PTPRT: variants seen among roughly 807,000 people sequenced by gnomAD.
PTPRT encodes protein tyrosine phosphatase receptor type T.
PTPRT carries 56 observed loss-of-function variants against 176.8 expected under a neutral mutation model. The observed-to-expected ratio is 0.32, with a 90% CI of 0.26 to 0.40. The LOEUF (loss-of-function observed/expected upper bound fraction) is 0.40, where lower values mean the gene tolerates loss of function less well. Among genes scored for constraint, PTPRT ranks in the 10% least tolerant of loss-of-function variants. The pLI is 1.00. For missense variants in PTPRT, 1,540 were observed against 1,908.2 expected (o/e 0.81, Z 3.60); for synonymous variants, 783 against 739.0 (o/e 1.06, Z -0.96).
intron 9 of PTPRT, among the ~76,000 whole-genome samples, chr20:42,385,477 C>T (rs1200679578): frequency 6.6e-6 from 1 of 152,122 alleles, no homozygotes; most frequent in Non-Finnish European, 1.5e-5. Context: ...ATTTGCTGTT[C>T]AACAGCTATA....
At chr20:42,121,051 C>T (rs1254168471) in intron 19 of PTPRT, among the ~76,000 whole-genome samples, 1 of 152,154 alleles carries the variant, frequency 6.6e-6, no homozygotes, top group Admixed American at 6.5e-5. Context: ...TGAACTGCCT[C>T]GAGGCCACTT....
chr20:42,889,200 GA>G (rs976032793), intron 1 of PTPRT, among the ~76,000 whole-genome samples: 12 of 152,138 alleles, frequency 7.9e-5, no homozygotes, highest in African/African-American at 2.7e-4. Flanking sequence ...GGCACTCACT[GA>G]ACCACCTTGC....
chr20:42,456,992 T>C (rs1162384851), intron 8 of PTPRT, among the ~76,000 whole-genome samples: 1 of 152,192 alleles, frequency 6.6e-6, no homozygotes, highest in East Asian at 1.9e-4. Context: ...TGTAAAACTA[T>C]ACAGAATTGC....
intron 5 of PTPRT, among the ~76,000 whole-genome samples, chr20:42,756,947 A>G (rs925509025): frequency 6.7e-6 from 1 of 149,276 alleles, no homozygotes; most frequent in Non-Finnish European, 1.5e-5. Context: ...GATACTCTGG[A>G]GGGTGAGGAA....
chr20:42,735,937 T>C (rs2076533271), intron 6 of PTPRT, among the ~76,000 whole-genome samples: 1 of 152,182 alleles, frequency 6.6e-6, no homozygotes, highest in Non-Finnish European at 1.5e-5. Context: ...TCTCTAAGTC[T>C]CTGATTCCTC....
At chr20:42,558,408 G>A (rs181229245) in intron 7 of PTPRT, among the ~76,000 whole-genome samples, 25 of 152,114 alleles carry the variant, frequency 1.6e-4, no homozygotes, top group African/African-American at 5.5e-4. Context: ...TTTTGCTATC[G>A]TGAATAGTGC....
intron 2 of PTPRT, among the ~76,000 whole-genome samples, chr20:42,802,371 G>A (rs2077543757): frequency 6.6e-6 from 1 of 152,232 alleles, no homozygotes; most frequent in Admixed American, 6.5e-5. Context: ...CTCAGGGGCA[G>A]GAGGTCTTGG....
chr20:42,670,690 C>A (rs536075389), intron 7 of PTPRT, among the ~76,000 whole-genome samples: 11 of 152,272 alleles, frequency 7.2e-5, no homozygotes, highest in Admixed American at 7.2e-4. Flanking sequence ...TGGGACTCCG[C>A]AAGACTACAA....
intron 4 of PTPRT, among the ~76,000 whole-genome samples, chr20:42,779,432 C>A (rs2077183101): frequency 6.6e-6 from 1 of 152,184 alleles, no homozygotes; most frequent in East Asian, 1.9e-4. Context: ...CACTAACAAA[C>A]TCATGGGGCT....
chr20:42,099,248 A>T (rs1197151329), intron 26 of PTPRT, among the ~76,000 whole-genome samples: 9 of 152,018 alleles, frequency 5.9e-5, no homozygotes, highest in South Asian at 2.1e-4. Flanking sequence ...GGTGCTAAAT[A>T]CTGGCAAGTT....
At chr20:42,115,388 G>A in intron 21 of PTPRT, 73 bp from the exon 22 acceptor site, 2 of 1,149,460 alleles carry the variant, frequency 1.7e-6, no homozygotes, top group Non-Finnish European at 2.6e-6. Context: ...CTGAGTGTGA[G>A]CAGCTGTCTC....
At chr20:43,109,622 A>G (rs1305976661) in intron 1 of PTPRT, among the ~76,000 whole-genome samples, 1 of 152,184 alleles carries the variant, frequency 6.6e-6, no homozygotes, top group African/African-American at 2.4e-5. Flanking sequence ...TTGAGTGAAC[A>G]TTCAAGTGGA....
At chr20:43,135,845 T>A (rs2013815950) in intron 1 of PTPRT, among the ~76,000 whole-genome samples, 1 of 152,224 alleles carries the variant, frequency 6.6e-6, no homozygotes. Flanking sequence ...CCTTGAGGCA[T>A]CTGAATTCCA....
chr20:42,301,737 T>TCTATA (rs1232743147), intron 12 of PTPRT, among the ~76,000 whole-genome samples: 3 of 152,094 alleles, frequency 2.0e-5, no homozygotes, highest in African/African-American at 2.4e-5. Flanking sequence ...AATTAGGGAA[T>TCTATA]CTGTATAGAG....
intron 7 of PTPRT, among the ~76,000 whole-genome samples, chr20:42,506,559 C>A (rs996970708): frequency 6.6e-6 from 1 of 152,066 alleles, no homozygotes; most frequent in African/African-American, 2.4e-5. Flanking sequence ...TATCTCTTAC[C>A]TTTTTCTCCA....
At chr20:42,513,229 TGTGTGTGTG>T (rs1184835148) in intron 7 of PTPRT, among the ~76,000 whole-genome samples, 5 of 151,928 alleles carry the variant, frequency 3.3e-5, no homozygotes, top group African/African-American at 1.2e-4. Context: ...TGTGTGTGTG[TGTGTGTGTG>T]TTTTCCAGGT....
chr20:42,183,938 T>A (rs6102714), intron 16 of PTPRT, among the ~76,000 whole-genome samples: 50,829 of 151,780 alleles, frequency 0.33, 8,907 homozygotes, highest in East Asian at 0.38. Context: ...GTCCTGTTGC[T>A]AGGAAGCCTA....
chr20:42,667,490 G>GT (rs2146026254), intron 7 of PTPRT, among the ~76,000 whole-genome samples: 1 of 152,318 alleles, frequency 6.6e-6, no homozygotes, highest in African/African-American at 2.4e-5. Flanking sequence ...TGACAGAGCT[G>GT]TAAGAGTGAT....
At chr20:42,846,027 C>G (rs139432113) in intron 2 of PTPRT, among the ~76,000 whole-genome samples, 1 of 152,208 alleles carries the variant, frequency 6.6e-6, no homozygotes, top group Non-Finnish European at 1.5e-5. Flanking sequence ...CCCCCAGGGA[C>G]GCTACAAGGC....
Sources: gnomAD v4.1 joint callset for allele counts (sites outside exome capture counted in the v4.1 genomes callset) on GRCh38, gnomAD v4.1.1 for gene constraint, MANE v1.5 for transcripts, NCBI Gene and HGNC (gene_info 2026-07-23, HGNC 2026-07-21) for gene names.